ALG12: variants seen among roughly 807,000 people sequenced by gnomAD.
The protein encoded by ALG12 is dol-P-Man:Man(7)GlcNAc(2)-PP-Dol alpha-1,6-mannosyltransferase.
ALG12 carries 36 observed loss-of-function variants against 46.0 expected under a neutral mutation model. That is an observed-to-expected ratio of 0.78 (90% CI 0.60 to 1.03). The LOEUF is 1.03. Among genes scored for constraint, ALG12 ranks in the 50% least tolerant of loss-of-function variants. The pLI, the probability that ALG12 is intolerant of heterozygous loss-of-function variation, is 0.00. For synonymous variants in ALG12, 326 were observed against 291.6 expected (o/e 1.12, Z -1.20); for missense variants, 599 against 633.5 (o/e 0.95, Z 0.58).
Position 49,901,874 on chromosome 22 carries a change from ATGG to A in ALG12, c.*1961_*1963del, listed in dbSNP as rs1246282867. The A allele has an allele frequency of 3.2e-5, 4 of 125,774 alleles. No homozygotes were observed. The East Asian group carries it at 1.0e-3, about 31-fold the overall frequency. The allele number at this position is 125,774 out of a possible 1,614,324, so 7.8% of individuals were successfully genotyped here. A position where few individuals can be genotyped will look rare whatever the true frequency, so the allele number is the denominator to read the frequency against. On this transcript the variant is annotated 3_prime_UTR_variant, in exon 10 of 10. Coordinates refer to ENST00000330817, the MANE Select transcript of ALG12 (RefSeq NM_024105.4). ...TGTGCACTGTGTGTGGTGTGTATTCATGGTGTGTGCACGTGTGCACTGTGTGTA... is the reference window on the plus strand; with the variant it reads ...TGTGCACTGTGTGTGGTGTGTATTCATGTGTGCACGTGTGCACTGTGTGTA...
the ALG12 span, among the ~76,000 whole-genome samples, chr22:49,880,213 C>T: frequency 1.3e-5 from 2 of 152,094 alleles, no homozygotes; most frequent in Non-Finnish European, 2.9e-5. Flanking sequence ...CAGTCCGGAC[C>T]CTTCTGACCC....
downstream of ALG12, among the ~76,000 whole-genome samples, chr22:49,896,586 C>G (rs1167440691): frequency 6.6e-6 from 1 of 152,202 alleles, no homozygotes; most frequent in Admixed American, 6.6e-5. Context: ...TATCTTTTCT[C>G]TTTTCCTGTC....
In ALG12 at chr22:49,904,079, A is replaced by T; in HGVS notation, c.1239-13T>A. On this transcript the variant is annotated splice_polypyrimidine_tract_variant and intron_variant, in intron 9 of 9. Transcript: ENST00000330817. The stretch of plus-strand genomic sequence containing the variant: ...CCTCTTGTCGTACCTGTGGGATGAG[A>T]GCTGGTGGTCCTGCCCAGGGCCCCC... 3.1e-6 allele frequency: 5 copies of T among 1,614,028 alleles called. No individual in the cohort carries two copies. Among genetic ancestry groups the T allele is most frequent in the Non-Finnish European group, 4.2e-6 (5 of 1,179,960 alleles).
intron 4 of ALG12, 56 bp from the exon 5 acceptor site, chr22:49,910,144 A>C: frequency 6.5e-7 from 1 of 1,530,930 alleles, no homozygotes; most frequent in Non-Finnish European, 8.8e-7. Flanking sequence ...CCGGCCCAGA[A>C]AACACCCGGG....
At chr22:49,885,372 C>T in the ALG12 span, 3 of 1,592,538 alleles carry the variant, frequency 1.9e-6, no homozygotes, top group Non-Finnish European at 2.6e-6. Context: ...TTTCTATTTG[C>T]TCCGCAGACT....
the ALG12 span, among the ~76,000 whole-genome samples, chr22:49,892,698 T>C: frequency 5.9e-5 from 9 of 152,360 alleles, no homozygotes; most frequent in South Asian, 6.2e-4. Context: ...TCACCAAGTC[T>C]GGACATGGCT....
downstream of ALG12, among the ~76,000 whole-genome samples, chr22:49,895,656 AT>A (rs761131420): frequency 5.7e-5 from 8 of 140,178 alleles, no homozygotes; most frequent in African/African-American, 2.2e-4. Context: ...CATCTCAAAA[AT>A]AAAAAAAAAA....
chr22:49,864,839 A>AAAAAAAG, the ALG12 span, among the ~76,000 whole-genome samples: 88 of 133,138 alleles, frequency 6.6e-4, 5 homozygotes, highest in African/African-American at 2.3e-3. Flanking sequence ...AAAAAAAAAA[A>AAAAAAAG]GCCCTGATTA....
chr22:49,893,765 G>T, the ALG12 span, among the ~76,000 whole-genome samples: 9 of 152,216 alleles, frequency 5.9e-5, no homozygotes, highest in African/African-American at 1.9e-4. Flanking sequence ...CTATCTCTTA[G>T]AGTTCAAAAT....
At chr22:49,885,873 T>G in the ALG12 span, 1 of 1,302,216 alleles carries the variant, frequency 7.7e-7, no homozygotes, top group Non-Finnish European at 1.1e-6. Flanking sequence ...TATGGATGAG[T>G]AACCAGACCC....
chr22:49,893,096 AG>A, the ALG12 span, among the ~76,000 whole-genome samples: 3 of 152,238 alleles, frequency 2.0e-5, no homozygotes, highest in Non-Finnish European at 4.4e-5. Flanking sequence ...TATAGATGAA[AG>A]GATTACTGAA....
chr22:49,886,570 A>G, the ALG12 span: 1 of 1,555,630 alleles, frequency 6.4e-7, no homozygotes, highest in East Asian at 2.3e-5. This position sits in a 1 kb window ranked among gnomAD's most constrained non-coding sequence, Gnocchi z 7.7. Flanking sequence ...GAAGGTGGAG[A>G]TGCTCTTCGA....
the ALG12 span, among the ~76,000 whole-genome samples, chr22:49,861,783 T>A: frequency 6.6e-6 from 1 of 152,282 alleles, no homozygotes; most frequent in Non-Finnish European, 1.5e-5. Context: ...AATGTGTGGG[T>A]CCTATTGACG....
chr22:49,888,901 G>A, the ALG12 span: 1 of 167,250 alleles, frequency 6.0e-6, no homozygotes, highest in Non-Finnish European at 1.5e-5. Context: ...TGTAGAAAGG[G>A]TTGCGCACAG....
At chr22:49,884,723 C>A in the ALG12 span, 1 of 1,595,150 alleles carries the variant, frequency 6.3e-7, no homozygotes, top group Non-Finnish European at 8.6e-7. Flanking sequence ...CTGTACTCCA[C>A]CCCTCCCACT....
chr22:49,916,612 G>C (rs2060610636), intron 1 of ALG12, among the ~76,000 whole-genome samples: 1 of 152,180 alleles, frequency 6.6e-6, no homozygotes, highest in African/African-American at 2.4e-5. Flanking sequence ...AGCCGGATGT[G>C]TTGGCTCACG....
chr22:49,908,476 C>T (rs146271548), intron 6 of ALG12, among the ~76,000 whole-genome samples: 1,377 of 129,248 alleles, frequency 0.011, 139 homozygotes, highest in African/African-American at 0.043. Context: ...TGCAGTGAGC[C>T]GAGATCATGC....
In ALG12 at chr22:49,907,749, T is replaced by C. The variant is rs1569174681; in HGVS notation, c.964A>G (p.Ile322Val). The change falls in exon 7 of 10, where the codon ATC (isoleucine) becomes GTC (valine). Residue 322 changes from isoleucine (I) to valine (V), a missense_variant. Coordinates refer to ENST00000330817, the MANE Select transcript of ALG12 (RefSeq NM_024105.4). ...TAGGAGCAGCCTCTGGCAGCCGTGATGTTGAGCATGGGGAAGGCATAGATG... is the reference window on the plus strand; with the variant it reads ...TAGGAGCAGCCTCTGGCAGCCGTGACGTTGAGCATGGGGAAGGCATAGATG... The part of the protein sequence containing the change: ...FIIYAFPMLN[I>V]TAARGCSYLL... 7 of 1,614,098 alleles carry C rather than the reference T, an allele frequency of 4.3e-6. No homozygotes were observed. The highest frequency in any genetic ancestry group is 5.9e-6 in the Non-Finnish European group (7 of 1,180,036).
rs1287554240 is a variant in ALG12 at position 49,910,578 on chromosome 22, A to C, written c.325T>G (p.Phe109Val). Reference protein sequence around the residue: ...VRGVLGLGVIFGLWTLQKEVR... With the variant: ...VRGVLGLGVIVGLWTLQKEVR... Reference sequence around the variant, plus strand: ...TCCTTTTGTAACGTCCAGAGTCCAAAAATCACGCCGAGTCCAAGCACTCCT... The same window carrying C: ...TCCTTTTGTAACGTCCAGAGTCCAACAATCACGCCGAGTCCAAGCACTCCT... The change falls in exon 4 of 10, where the codon TTT becomes GTT. Residue 109 changes from phenylalanine (F) to valine (V), a missense_variant. By Grantham distance (50) the Phe-to-Val change is conservative (BLOSUM62 -1). Coordinates refer to ENST00000330817, the MANE Select transcript of ALG12 (RefSeq NM_024105.4). 1 of 1,614,152 alleles carries C rather than the reference A, an allele frequency of 6.2e-7. No individual in the cohort carries two copies. Among genetic ancestry groups the C allele is most frequent in the Non-Finnish European group, 8.5e-7 (1 of 1,180,034 alleles).
Sources: gnomAD v4.1 joint callset for allele counts (sites outside exome capture counted in the v4.1 genomes callset) on GRCh38, gnomAD v4.1.1 for gene constraint, Gnocchi (gnomAD v3.1) non-coding constraint, MANE v1.5 for transcripts, NCBI Gene and HGNC (gene_info 2026-07-23, HGNC 2026-07-21) for gene names.